The following PALB2 variants were observed in gnomAD, a reference collection of about 807,000 sequenced individuals.
PALB2 encodes partner and localizer of BRCA2, also known as mutant partner and localizer of BRCA2.
Under a neutral mutation model 107.4 loss-of-function variants are expected in PALB2, and 82 were observed. The observed-to-expected ratio is 0.76, with a 90% CI of 0.64 to 0.92. The LOEUF is 0.92. PALB2 is among the 40% of genes least tolerant of loss of function. The probability of loss-of-function intolerance (pLI) is 0.00; values close to 1 mark genes in which losing one functional copy is unlikely to be tolerated. For missense variants in PALB2, 1,374 were observed against 1,379.9 expected, an observed-to-expected ratio of 1.00 and a Z score of 0.07; for synonymous variants, 489 against 496.8, an observed-to-expected ratio of 0.98 and a Z score of 0.21.
At chr16:23,634,703 C>T (rs1044799668) in intron 4 of PALB2, among the ~76,000 whole-genome samples, 159 bp downstream of exon 4, 8 of 151,628 alleles carry the variant, frequency 5.3e-5, no homozygotes, top group Admixed American at 1.3e-4. Context: ...CAGGGTCTCA[C>T]TCTGTTCCTC....
At chr16:23,634,567 A>G (rs148247965) in intron 4 of PALB2, among the ~76,000 whole-genome samples, 1 of 152,158 alleles carries the variant, frequency 6.6e-6, no homozygotes, top group Non-Finnish European at 1.5e-5. Flanking sequence ...CAGGAGGAAC[A>G]TTTGAGCCCA....
At chr16:23,640,612 G>A in intron 1 of PALB2, 1 of 234,188 alleles carries the variant, frequency 4.3e-6, no homozygotes, top group East Asian at 6.1e-5. Context: ...AGATAAACAT[G>A]TCCTGACAGG....
At chr16:23,618,850 G>A (rs368102154) in intron 10 of PALB2, among the ~76,000 whole-genome samples, 36 of 152,174 alleles carry the variant, frequency 2.4e-4, no homozygotes, top group African/African-American at 4.8e-4. Context: ...AACACCCCTC[G>A]GCAGAAACCC....
rs190611631 is a variant in PALB2 at position 23,620,071 on chromosome 16, G to A, written c.3113+1291C>T. Among the ~76,000 whole-genome samples, 214 of 152,218 alleles carry A rather than the reference G, an allele frequency of 1.4e-3. 3 individuals carry two copies. Among genetic ancestry groups the A allele is most frequent in the Middle Eastern group, 3.4e-3 (1 of 294 alleles). ...CTGGGATTATAGGCATGAGCCACCC[G>A]TGCCCGGCCCTGATTTTTTTGGTTG... On this transcript the variant is annotated intron_variant, in intron 10 of 12. Transcript: ENST00000261584.
In PALB2 at chr16:23,624,088, C is replaced by T. The variant is rs775193384; in HGVS notation, c.2755G>A (p.Val919Ile). The change falls in exon 8 of 13, where the codon GTA becomes ATA. Residue 919 changes from valine (V) to isoleucine (I), a missense_variant. Physicochemically the swap from Val to Ile is conservative, Grantham distance 29. Coordinates refer to ENST00000261584, the MANE Select transcript of PALB2 (RefSeq NM_024675.4). ...TCAGGCACTGGAACTATCTGTAATA[C>T]TGGAACCTAAATAAAACAAAGCAGC... ...LYTWHFAEVP[V>I]LQIVPVPDVY... 73 of 1,604,864 alleles carry T rather than the reference C, an allele frequency of 4.5e-5. No individual in the cohort carries two copies. The highest frequency in any genetic ancestry group is 5.8e-5 in the Non-Finnish European group (68 of 1,172,028).
In PALB2 at chr16:23,606,821, C is replaced by CTTTTTTTTT. The variant is rs545664784; in HGVS notation, c.3350+1034_3350+1042dup. The stretch of plus-strand genomic sequence containing the variant: ...TACAGGCGTGAGCCACTGCACCCTG[C>CTTTTTTTTT]TTTTTTTTTTTTTTTTTTGAGACGG... On this transcript the variant is annotated intron_variant, in intron 12 of 12. Transcript: ENST00000261584. Among the ~76,000 whole-genome samples, 103 of 108,528 alleles carry CTTTTTTTTT rather than the reference C, an allele frequency of 9.5e-4. 4 individuals carry two copies. Among genetic ancestry groups the CTTTTTTTTT allele is most frequent in the Middle Eastern group, 7.1e-3 (1 of 140 alleles). 71.2% of individuals were successfully genotyped at this position (108,528 alleles called of 152,430 possible).
intron 10 of PALB2, among the ~76,000 whole-genome samples, chr16:23,619,007 T>C (rs1966728539): frequency 6.6e-6 from 1 of 152,168 alleles, no homozygotes; most frequent in Non-Finnish European, 1.5e-5. Flanking sequence ...CATACTTTTC[T>C]AGTTTATTCC....
intron 10 of PALB2, 60 bp downstream of exon 10, chr16:23,621,302 A>C (rs1966766438): frequency 9.2e-7 from 1 of 1,092,716 alleles, no homozygotes; most frequent in Non-Finnish European, 1.4e-6. Flanking sequence ...ACCCTGTAAA[A>C]TTAGAGGTAT....
At chr16:23,629,122 A>C in intron 6 of PALB2, 82 bp downstream of exon 6, 1 of 1,043,552 alleles carries the variant, frequency 9.6e-7, no homozygotes, top group South Asian at 1.3e-5. Context: ...AAGAACAAGA[A>C]GCTATATGAC....
At chr16:23,609,209 A>G (rs948293145) in intron 11 of PALB2, among the ~76,000 whole-genome samples, 1 of 152,206 alleles carries the variant, frequency 6.6e-6, no homozygotes, top group Non-Finnish European at 1.5e-5. Flanking sequence ...AGGCAGTAGG[A>G]TAGCTTGAGA....
chr16:23,639,517 G>GA (rs1186283940), intron 1 of PALB2, among the ~76,000 whole-genome samples: 1,166 of 43,392 alleles, frequency 0.027, 32 homozygotes, highest in South Asian at 0.033. Context: ...GACTCTGCTT[G>GA]AAAAAAAAAA....
chr16:23,640,155 T>G (rs896855955), intron 1 of PALB2: 1 of 169,814 alleles, frequency 5.9e-6, no homozygotes, highest in South Asian at 2.0e-4. Flanking sequence ...CCTCCCAAAG[T>G]GCGGGGATTA....
chr16:23,634,080 C>G (rs1258783224), intron 4 of PALB2, among the ~76,000 whole-genome samples: 1 of 152,080 alleles, frequency 6.6e-6, no homozygotes, highest in Non-Finnish European at 1.5e-5. Context: ...AAGCTTCTAC[C>G]CAAAGAATTG....
At chr16:23,636,527 T>A (rs945317172) in intron 3 of PALB2, among the ~76,000 whole-genome samples, 193 bp from the exon 4 acceptor site, 1 of 152,064 alleles carries the variant, frequency 6.6e-6, no homozygotes, top group Non-Finnish European at 1.5e-5. Flanking sequence ...AAGGTCACTG[T>A]TACCTTTAGG....
At chr16:23,607,433 T>A (rs1966497398) in intron 12 of PALB2, 3 of 233,538 alleles carry the variant, frequency 1.3e-5, no homozygotes, top group Non-Finnish European at 2.6e-5. Context: ...GAAGTACAGA[T>A]GCATGCCAGC....
At chr16:23,623,269 T>C in intron 8 of PALB2, 139 bp from the exon 9 acceptor site, 1 of 765,844 alleles carries the variant, frequency 1.3e-6, no homozygotes, top group Non-Finnish European at 2.1e-6. Context: ...AGTGGCACAA[T>C]CTTGGCTCAC....
In PALB2 at chr16:23,630,061, A is replaced by G. The variant is rs1966860685; in HGVS notation, c.2093T>C (p.Leu698Pro). Residue 698 changes from leucine to proline, a missense_variant, in exon 5 of 13, where the codon CTT becomes CCT. Transcript: ENST00000261584. ...NSQSQHTKTG[L>P]SSSILLYTPL... ...AGTATAAAGTAATATGGATGAAGAA[A>G]GGCCCGTCTTTGTATGCTGGCTTTG... The G allele has an allele frequency of 6.2e-7, 1 of 1,614,182 alleles. No individual in the cohort carries two copies. The highest frequency in any genetic ancestry group is 8.5e-7 in the Non-Finnish European group (1 of 1,180,040).
chr16:23,630,501 A>G (rs547525280), intron 4 of PALB2, 32 bp from the exon 5 acceptor site: 1 of 1,458,714 alleles, frequency 6.9e-7, no homozygotes, highest in African/African-American at 1.4e-5. Flanking sequence ...CAAAATAGTA[A>G]CAAAACCCAA....
chr16:23,640,005 CCT>C (rs778875959), intron 1 of PALB2, among the ~76,000 whole-genome samples: 7 of 152,068 alleles, frequency 4.6e-5, no homozygotes, highest in Non-Finnish European at 7.4e-5. Flanking sequence ...CGTGCATCAG[CCT>C]CTGAGGCCTG....
Sources: allele counts gnomAD v4.1 joint callset (sites outside exome capture counted in the v4.1 genomes callset), GRCh38; gene constraint gnomAD v4.1.1; transcripts MANE v1.5; gene names NCBI Gene and HGNC (gene_info 2026-07-23, HGNC 2026-07-21).